DCAF8L2: variants seen among roughly 807,000 people sequenced by gnomAD.
DCAF8L2 encodes the protein DDB1 and CUL4 associated factor 8 like 2.
For missense variants in DCAF8L2, 430 were observed against 490.7 expected, an observed-to-expected ratio of 0.88 and a Z score of 1.17; for synonymous variants, 200 against 190.9, an observed-to-expected ratio of 1.05 and a Z score of -0.39.
At chrX:27,643,455 C>A (rs1187702549) in intron 2 of DCAF8L2, among the ~76,000 whole-genome samples, 1 of 111,585 alleles carries the variant, frequency 9.0e-6, no homozygotes, top group Non-Finnish European at 1.9e-5. Flanking sequence ...AAAAGTTAAT[C>A]TGTGTTGATG....
At chrX:27,490,770 T>A in the DCAF8L2 span, among the ~76,000 whole-genome samples, 24 of 111,502 alleles carry the variant, frequency 2.2e-4, no homozygotes, top group African/African-American at 7.2e-4. Flanking sequence ...AGGCTTTTAG[T>A]TTTTAGTGTA....
chrX:27,748,664 G>C lies in DCAF8L2; in HGVS notation c.1769G>C (p.Arg590Thr), dbSNP rs1982525528. 1.7e-6 allele frequency: 2 copies of C among 1,196,336 alleles called. No homozygotes were observed. Among genetic ancestry groups the C allele is most frequent in the South Asian group, 3.6e-5 (2 of 55,266 alleles). The change falls in exon 5 of 5, where the codon AGA becomes ACA. Residue 590 changes from arginine to threonine, a missense_variant. Arg to Thr is a moderately conservative substitution (Grantham distance 71). Coordinates refer to ENST00000451261, the MANE Select transcript of DCAF8L2 (RefSeq NM_001353450.2). ...LWFLLRHVTQRGRHQDWRSGE... is the reference protein window; with the variant it reads ...LWFLLRHVTQTGRHQDWRSGE... ...TTCCTCCTGCGTCACGTGACGCAGA[G>C]AGGTCGTCACCAGGACTGGAGAAGT... is the stretch of plus-strand genomic sequence containing the variant.
chrX:27,578,896 A>G, the DCAF8L2 span, among the ~76,000 whole-genome samples: 19 of 43,199 alleles, frequency 4.4e-4, no homozygotes, highest in African/African-American at 8.3e-4. Context: ...TAAAATGTCA[A>G]AAAAAAAAAA....
the DCAF8L2 span, among the ~76,000 whole-genome samples, chrX:27,533,139 G>A: frequency 8.7e-3 from 280 of 32,210 alleles, 58 homozygotes; most frequent in South Asian, 0.016. Context: ...AGGAAGGAAG[G>A]AAGAAAGAGA....
intron 1 of DCAF8L2, among the ~76,000 whole-genome samples, chrX:27,592,527 C>A (rs1363513665): frequency 1.8e-5 from 2 of 108,680 alleles, no homozygotes; most frequent in Non-Finnish European, 3.8e-5. Flanking sequence ...ACCTCCGCCT[C>A]CTGGGTTCAA....
At chrX:27,495,162 A>G in the DCAF8L2 span, among the ~76,000 whole-genome samples, 1 of 111,794 alleles carries the variant, frequency 8.9e-6, no homozygotes, top group Admixed American at 9.5e-5. Context: ...TGTGGAAGAG[A>G]TTAACATTCT....
the DCAF8L2 span, among the ~76,000 whole-genome samples, chrX:27,473,080 T>C: frequency 8.9e-6 from 1 of 112,406 alleles, no homozygotes; most frequent in South Asian, 3.6e-4. Flanking sequence ...TTGCATTCAT[T>C]GATAGGGTTA....
chrX:27,721,737 T>C (rs1426999495), intron 4 of DCAF8L2, among the ~76,000 whole-genome samples: 1 of 111,719 alleles, frequency 9.0e-6, no homozygotes, highest in Non-Finnish European at 1.9e-5. Flanking sequence ...TTTTAAAAAA[T>C]CACTCACAAA....
chrX:27,547,383 T>G, the DCAF8L2 span, among the ~76,000 whole-genome samples: 1 of 112,378 alleles, frequency 8.9e-6, no homozygotes, highest in Non-Finnish European at 1.9e-5. Flanking sequence ...TCCACATTTT[T>G]GGGTATCTTT....
chrX:27,724,854 T>A (rs1225984718), intron 4 of DCAF8L2, among the ~76,000 whole-genome samples: 1 of 110,505 alleles, frequency 9.0e-6, no homozygotes, highest in Non-Finnish European at 1.9e-5. Flanking sequence ...TCACATATAC[T>A]TTAAAGTGAG....
the DCAF8L2 span, among the ~76,000 whole-genome samples, chrX:27,560,267 CAAAA>C: frequency 1.2e-5 from 1 of 81,459 alleles, no homozygotes. Context: ...ATATCCATCT[CAAAA>C]AAAAAAAAAA....
intron 1 of DCAF8L2, among the ~76,000 whole-genome samples, chrX:27,615,517 T>TTCTATCAA (rs1555919227): frequency 2.8e-5 from 2 of 70,206 alleles, no homozygotes; most frequent in African/African-American, 1.0e-4. Flanking sequence ...TAATAGTAGA[T>TTCTATCAA]TCTATCAATC....
In DCAF8L2 at chrX:27,748,311, C is replaced by T; in HGVS notation, c.1416C>T (p.Val472=). 8.3e-7 allele frequency: 1 copy of T among 1,210,172 alleles called. No homozygotes were observed. Among genetic ancestry groups the T allele is most frequent in the Non-Finnish European group, 1.1e-6 (1 of 894,490 alleles). ...AGGGACACAGAAATAATACCACAGTCAAAGGTGTTAATTTCTATGGCCCCA... is the reference window on the plus strand; with the variant it reads ...AGGGACACAGAAATAATACCACAGTTAAAGGTGTTAATTTCTATGGCCCCA... ...RFKGHRNNTT[V]KGVNFYGPRS... The change falls in exon 5 of 5, where the codon GTC becomes GTT. Residue 472 remains valine (V), a synonymous_variant. Transcript: ENST00000451261.
the DCAF8L2 span, among the ~76,000 whole-genome samples, chrX:27,543,554 G>C: frequency 9.0e-6 from 1 of 111,638 alleles, no homozygotes; most frequent in Admixed American, 9.5e-5. Flanking sequence ...CTCTGAGCCT[G>C]TATTTTATCC....
At chrX:27,553,194 A>C in the DCAF8L2 span, among the ~76,000 whole-genome samples, 1 of 111,428 alleles carries the variant, frequency 9.0e-6, no homozygotes, top group African/African-American at 3.3e-5. Context: ...TATATATATG[A>C]CCATGTGCTA....
chrX:27,656,864 ATGTGATGGTTAATACTGAG>A (rs1929372547), intron 2 of DCAF8L2, among the ~76,000 whole-genome samples: 2 of 111,127 alleles, frequency 1.8e-5, no homozygotes, highest in African/African-American at 6.5e-5. Flanking sequence ...AAGTTACATG[ATGTGATGGTTAATACTGAG>A]TGCCAACTTG....
chrX:27,732,803 G>T (rs1288387930), intron 4 of DCAF8L2, among the ~76,000 whole-genome samples: 1 of 110,888 alleles, frequency 9.0e-6, no homozygotes, highest in African/African-American at 3.3e-5. Context: ...CATACTATTT[G>T]CCATAATGAC....
chrX:27,605,746 A>T (rs2147126893), intron 1 of DCAF8L2, among the ~76,000 whole-genome samples: 1 of 112,003 alleles, frequency 8.9e-6, no homozygotes, highest in East Asian at 2.8e-4. Flanking sequence ...AAAGAGCGAC[A>T]TACCTGACTT....
the DCAF8L2 span, among the ~76,000 whole-genome samples, chrX:27,508,319 G>C: frequency 9.0e-6 from 1 of 111,057 alleles, no homozygotes; most frequent in Non-Finnish European, 1.9e-5. Flanking sequence ...GGAAAAACTA[G>C]AATCAAATGG....
Sources: allele counts gnomAD v4.1 joint callset (sites outside exome capture counted in the v4.1 genomes callset), GRCh38; gene constraint gnomAD v4.1.1; transcripts MANE v1.5; gene names NCBI Gene and HGNC (gene_info 2026-07-23, HGNC 2026-07-21).